The following TGM3 variants were observed in gnomAD, a reference collection of about 807,000 sequenced individuals.
The protein encoded by TGM3 is protein-glutamine gamma-glutamyltransferase E.
TGM3 carries 52 observed loss-of-function variants against 73.8 expected under a neutral mutation model. The observed-to-expected ratio is 0.70, with a 90% CI of 0.56 to 0.89. The LOEUF is 0.89. TGM3 is among the 40% of genes least tolerant of loss of function. The probability of loss-of-function intolerance (pLI) is 0.00; values close to 1 mark genes in which losing one functional copy is unlikely to be tolerated. For missense variants in TGM3, 928 were observed against 909.9 expected (o/e 1.02, Z -0.26); for synonymous variants, 372 against 354.9 (o/e 1.05, Z -0.54).
rs760119979 is a variant in TGM3 at position 2,328,205 on chromosome 20, G to A, written c.1173G>A (p.Ala391=). The A allele has an allele frequency of 2.0e-5, 32 of 1,614,018 alleles. No homozygotes were observed. The highest frequency in any genetic ancestry group is 1.8e-4 in the Admixed American group (11 of 59,994). Residue 391 remains alanine, a synonymous_variant, in exon 9 of 13, where the codon GCG becomes GCA. Coordinates refer to ENST00000381458, the MANE Select transcript of TGM3 (RefSeq NM_003245.4). This position sits in a 1 kb window ranked among gnomAD's most constrained non-coding sequence, Gnocchi z 5.2. ...ACTTCGACATGCCCTTTATCTTCGC[G>A]GAGGTTAATGCCGACCGCATCACCT... The part of the protein sequence containing the change: ...QLNFDMPFIF[A]EVNADRITWL...
intron 7 of TGM3, among the ~76,000 whole-genome samples, chr20:2,322,854 A>G (rs2084268812): frequency 1.3e-5 from 2 of 152,254 alleles, no homozygotes; most frequent in South Asian, 4.1e-4. Context: ...AGTAATGAGT[A>G]ATTGACATGA....
At chr20:2,339,724 A>T in intron 11 of TGM3, 130 bp from the exon 12 acceptor site, 1 of 1,284,180 alleles carries the variant, frequency 7.8e-7, no homozygotes, top group East Asian at 2.4e-5. Context: ...TAGGAGGGCT[A>T]AATGGTCTCC....
At chr20:2,336,673 T>C (rs2084353110) in intron 11 of TGM3, among the ~76,000 whole-genome samples, 1 of 150,810 alleles carries the variant, frequency 6.6e-6, no homozygotes, top group Non-Finnish European at 1.5e-5. Context: ...GATGGGGGAG[T>C]TGGTCCCCTA....
chr20:2,299,010 G>A (rs181386826), intron 1 of TGM3, among the ~76,000 whole-genome samples: 9 of 152,180 alleles, frequency 5.9e-5, no homozygotes, highest in East Asian at 3.9e-4. Context: ...ACAGCTGCCC[G>A]TATTTCAGCG....
chr20:2,297,073 TGCTAAGAAGAGGA>T (rs1278138135), intron 1 of TGM3, among the ~76,000 whole-genome samples: 1 of 152,172 alleles, frequency 6.6e-6, no homozygotes, highest in African/African-American at 2.4e-5. Context: ...ATGGCTGGGA[TGCTAAGAAGAGGA>T]GCTCTGGACC....
At chr20:2,335,052 C>G (rs2084341453) in intron 10 of TGM3, 64 bp from the exon 11 acceptor site, 4 of 1,592,954 alleles carry the variant, frequency 2.5e-6, no homozygotes, top group Non-Finnish European at 3.4e-6. Context: ...GGCATCTGTT[C>G]TGAGGAAGGT....
rs770336628 is a variant in TGM3 at position 2,339,887 on chromosome 20, A to G, written c.1834A>G (p.Asn612Asp). The G allele has an allele frequency of 3.1e-6, 5 of 1,614,022 alleles. No homozygotes were observed. The Admixed American group carries it at 6.7e-5, about 22-fold the overall frequency. ...CGAGGCTCGTGTGCGGAAGCCTGTGAACGTGCAGATGCTCTTCTCCAATCC... is the reference window on the plus strand; with the variant it reads ...CGAGGCTCGTGTGCGGAAGCCTGTGGACGTGCAGATGCTCTTCTCCAATCC... ...LNEARVRKPV[N>D]VQMLFSNPLD... Residue 612 changes from asparagine to aspartate, a missense_variant, in exon 12 of 13, where the codon AAC (asparagine) becomes GAC (aspartate). Transcript: ENST00000381458.
At chr20:2,318,901 C>T (rs577007947) in intron 7 of TGM3, among the ~76,000 whole-genome samples, 7 of 152,204 alleles carry the variant, frequency 4.6e-5, no homozygotes, top group African/African-American at 1.7e-4. Flanking sequence ...TGCCAGCAAC[C>T]GAGTTGAGTA....
intron 9 of TGM3, among the ~76,000 whole-genome samples, chr20:2,330,089 C>G (rs1031916109): frequency 6.6e-6 from 1 of 152,138 alleles, no homozygotes; most frequent in African/African-American, 2.4e-5. Context: ...CAGCAATGCC[C>G]CAGCCCTTAT....
At chr20:2,301,605 G>A (rs1400994512) in intron 1 of TGM3, among the ~76,000 whole-genome samples, 1 of 151,600 alleles carries the variant, frequency 6.6e-6, no homozygotes, top group African/African-American at 2.4e-5. Flanking sequence ...GTGAAACCTT[G>A]TGTCAGTTCC....
At position 2,328,149 on chromosome 20, in the gene TGM3, A is replaced by T; in HGVS notation, c.1117A>T (p.Ile373Phe). ...GVFQCGPASV[I>F]GVREGDVQLN... is the part of the protein sequence containing the mutation. ...GTTCCAGTGCGGCCCCGCTTCGGTC[A>T]TTGGTGTTCGAGAGGGTGATGTGCA... Residue 373 changes from isoleucine (I) to phenylalanine (F), a missense_variant, in exon 9 of 13, where the codon ATT becomes TTT. Ile to Phe is a conservative substitution (Grantham distance 21). Transcript: ENST00000381458. This position sits in a 1 kb window ranked among gnomAD's most constrained non-coding sequence, Gnocchi z 5.2. 9 of 1,614,106 alleles carry T rather than the reference A, an allele frequency of 5.6e-6. No homozygotes were observed. Among genetic ancestry groups the T allele is most frequent in the Non-Finnish European group, 7.6e-6 (9 of 1,180,018 alleles).
chr20:2,322,388 G>A (rs1271934284), intron 7 of TGM3, among the ~76,000 whole-genome samples: 2 of 151,904 alleles, frequency 1.3e-5, no homozygotes, highest in Non-Finnish European at 2.9e-5. Flanking sequence ...CCCACACCTC[G>A]AAACCAATCA....
At chr20:2,335,344 TC>T in intron 11 of TGM3, 71 bp downstream of exon 11, 2 of 1,577,966 alleles carry the variant, frequency 1.3e-6, no homozygotes, top group Admixed American at 1.7e-5. Context: ...AGCCCCACTG[TC>T]CCTGTGAGCC....
chr20:2,314,530 T>TACACACACACACACACAC (rs11473649), intron 5 of TGM3, among the ~76,000 whole-genome samples: 10 of 136,798 alleles, frequency 7.3e-5, no homozygotes, highest in African/African-American at 2.8e-4. Context: ...CATCTACACA[T>TACACACACACACACACAC]ACACACACAC....
chr20:2,339,749 A>AGT (rs1225901074), intron 11 of TGM3, 105 bp from the exon 12 acceptor site: 6 of 1,494,606 alleles, frequency 4.0e-6, no homozygotes, highest in Non-Finnish European at 5.5e-6. Flanking sequence ...CTTCATCCTC[A>AGT]GTGACATCAC....
At chr20:2,304,131 A>G (rs2084165752) in intron 1 of TGM3, among the ~76,000 whole-genome samples, 1 of 152,212 alleles carries the variant, frequency 6.6e-6, no homozygotes, top group African/African-American at 2.4e-5. Context: ...TGTAAACCTG[A>G]GAACCTTAGA....
intron 1 of TGM3, among the ~76,000 whole-genome samples, chr20:2,306,953 T>C (rs2084179392): frequency 6.6e-6 from 1 of 152,152 alleles, no homozygotes; most frequent in Non-Finnish European, 1.5e-5. Context: ...TGTTTGCCAG[T>C]GTCTGAGTTC....
At chr20:2,333,699 A>C (rs978258654) in intron 10 of TGM3, among the ~76,000 whole-genome samples, 3 of 152,214 alleles carry the variant, frequency 2.0e-5, no homozygotes, top group African/African-American at 4.8e-5. Flanking sequence ...CCTGGCCAAA[A>C]GAGCTAATTT....
chr20:2,315,716 C>T (rs1329976220), intron 5 of TGM3, among the ~76,000 whole-genome samples: 1 of 152,238 alleles, frequency 6.6e-6, no homozygotes, highest in Non-Finnish European at 1.5e-5. Context: ...CTACAAAAGA[C>T]ACCTCAGAGC....
Sources: gnomAD v4.1 joint callset for allele counts (sites outside exome capture counted in the v4.1 genomes callset) on GRCh38, gnomAD v4.1.1 for gene constraint, Gnocchi (gnomAD v3.1) non-coding constraint, MANE v1.5 for transcripts, NCBI Gene and HGNC (gene_info 2026-07-23, HGNC 2026-07-21) for gene names.